Variants in MRPL48 observed in about 807,000 individuals in gnomAD.
The protein encoded by MRPL48 is mitochondrial ribosomal protein L48, also known as large ribosomal subunit protein mL48.
MRPL48 carries 16 observed loss-of-function variants against 32.9 expected under a neutral mutation model. That is an observed-to-expected ratio of 0.49 (90% confidence interval 0.33 to 0.74). The LOEUF is 0.74. Ranked by LOEUF, MRPL48 falls within the 30% of genes least tolerant of loss-of-function variation. The pLI, the probability that MRPL48 is intolerant of heterozygous loss-of-function variation, is 0.02. For missense variants in MRPL48, 206 were observed against 245.3 expected (o/e 0.84, Z 1.07); for synonymous variants, 94 against 89.2 (o/e 1.05, Z -0.31).
At chr11:73,850,262 A>G (rs2515089) in intron 5 of MRPL48, among the ~76,000 whole-genome samples, 14 of 151,958 alleles carry the variant, frequency 9.2e-5, no homozygotes, top group Admixed American at 6.6e-4. Flanking sequence ...TTACAGAATC[A>G]ATATAAAATA....
At chr11:73,860,051 G>T (rs761577405) in intron 6 of MRPL48, 42 bp downstream of exon 6, 3 of 1,514,356 alleles carry the variant, frequency 2.0e-6, no homozygotes, top group South Asian at 2.4e-5. Flanking sequence ...TGCTTCTCCT[G>T]GTTCTTTTCT....
chr11:73,787,982 C>A lies in MRPL48; in HGVS notation c.11C>A (p.Thr4Asn), dbSNP rs776438055. The A allele has an allele frequency of 2.5e-6, 4 of 1,600,064 alleles. No homozygotes were observed. The highest frequency in any genetic ancestry group is 2.6e-6 in the Non-Finnish European group (3 of 1,173,952). The stretch of plus-strand genomic sequence containing the variant: ...GCGCAGCAGCAAAGGATGAGCGGAA[C>A]CTTGGAAAAGGTAACGTAGATTCCA... MSG[T>N]LEKVLCLRNN... Residue 4 changes from threonine (T) to asparagine (N), a missense_variant, in exon 1 of 8, where the codon ACC becomes AAC. Thr to Asn is a moderately conservative substitution (Grantham distance 65, BLOSUM62 0). Transcript: ENST00000310614.
At chr11:73,821,279 A>G (rs1947777033) in intron 3 of MRPL48, among the ~76,000 whole-genome samples, 1 of 152,062 alleles carries the variant, frequency 6.6e-6, no homozygotes, top group African/African-American at 2.4e-5. Flanking sequence ...ACAGGCATGA[A>G]CTACCACACC....
chr11:73,799,072 A>ACTTAGGCAGGGACTGG (rs1287671534), intron 1 of MRPL48, among the ~76,000 whole-genome samples: 13 of 152,052 alleles, frequency 8.5e-5, no homozygotes, highest in African/African-American at 2.4e-4. Flanking sequence ...GAGAATTTGA[A>ACTTAGGCAGGGACTGG]GCTTCTGATA....
At chr11:73,820,521 C>A (rs902101366) in intron 3 of MRPL48, among the ~76,000 whole-genome samples, 2 of 152,190 alleles carry the variant, frequency 1.3e-5, no homozygotes, top group African/African-American at 4.8e-5. Context: ...ACTTGCCCAG[C>A]CCACTCTCAT....
chr11:73,823,043 T>G (rs1240470040), intron 3 of MRPL48: 1 of 450,584 alleles, frequency 2.2e-6, no homozygotes, highest in Non-Finnish European at 4.4e-6. Context: ...GAAAACAAGC[T>G]CAGGGCTTCC....
chr11:73,808,482 T>A, intron 3 of MRPL48, 132 bp downstream of exon 3: 1 of 840,988 alleles, frequency 1.2e-6, no homozygotes, highest in Non-Finnish European at 1.9e-6. Flanking sequence ...CCCCTCCATG[T>A]GAGCATGGAA....
intron 5 of MRPL48, among the ~76,000 whole-genome samples, chr11:73,846,639 G>T (rs1324416240): frequency 1.3e-5 from 2 of 151,476 alleles, no homozygotes; most frequent in Non-Finnish European, 2.9e-5. Context: ...GATTACAGGA[G>T]TGAACCACTG....
At chr11:73,794,328 G>C (rs1024749142) in intron 1 of MRPL48, among the ~76,000 whole-genome samples, 12 of 152,052 alleles carry the variant, frequency 7.9e-5, no homozygotes, top group African/African-American at 2.9e-4. Context: ...GGCTGAGGCA[G>C]CGGGATCTCC....
At chr11:73,827,333 G>A (rs1024115249) in intron 4 of MRPL48, among the ~76,000 whole-genome samples, 5 of 152,108 alleles carry the variant, frequency 3.3e-5, no homozygotes, top group Non-Finnish European at 4.4e-5. Flanking sequence ...GCAGTGAGCC[G>A]AGATCACGCC....
intron 2 of MRPL48, 43 bp from the exon 3 acceptor site, chr11:73,808,270 T>C (rs374787913): frequency 5.2e-6 from 8 of 1,549,110 alleles, no homozygotes; most frequent in Non-Finnish European, 7.0e-6. Context: ...AAATAAAATA[T>C]GGGTTTCTAA....
intron 1 of MRPL48, among the ~76,000 whole-genome samples, chr11:73,793,217 T>C (rs1212270850): frequency 6.6e-6 from 1 of 152,148 alleles, no homozygotes; most frequent in Non-Finnish European, 1.5e-5. Context: ...AGGCATGCAC[T>C]ACCATGCCCA....
At chr11:73,792,967 C>G (rs1947178811) in intron 1 of MRPL48, among the ~76,000 whole-genome samples, 1 of 152,200 alleles carries the variant, frequency 6.6e-6, no homozygotes, top group Admixed American at 6.5e-5. Context: ...GAGGGATTTA[C>G]TAATTTGATC....
At chr11:73,800,243 T>TA (rs879758114) in intron 1 of MRPL48, among the ~76,000 whole-genome samples, 62 of 145,670 alleles carry the variant, frequency 4.3e-4, no homozygotes, top group Admixed American at 2.2e-3. Context: ...TCCGGTCTCT[T>TA]AAAAAAAAAA....
intron 6 of MRPL48, among the ~76,000 whole-genome samples, chr11:73,862,819 T>G (rs189396933): frequency 2.2e-4 from 33 of 152,204 alleles, no homozygotes; most frequent in African/African-American, 7.7e-4. Flanking sequence ...ACTCGGAGGC[T>G]GAGGTGGGAG....
intron 5 of MRPL48, among the ~76,000 whole-genome samples, chr11:73,849,342 G>A (rs1214311345): frequency 6.6e-6 from 1 of 152,046 alleles, no homozygotes; most frequent in Non-Finnish European, 1.5e-5. Flanking sequence ...TTGCCATGTT[G>A]GTCAGGCTGG....
intron 3 of MRPL48, 70 bp downstream of exon 3, chr11:73,808,420 C>T: frequency 6.8e-7 from 1 of 1,474,208 alleles, no homozygotes; most frequent in Non-Finnish European, 9.3e-7. Flanking sequence ...ATAATTTTGC[C>T]TAGAAGGAAG....
intron 4 of MRPL48, among the ~76,000 whole-genome samples, chr11:73,840,748 C>T (rs956908522): frequency 1.3e-5 from 2 of 152,114 alleles, no homozygotes; most frequent in Non-Finnish European, 1.5e-5. Flanking sequence ...GATGCACCCA[C>T]CTCGGCCTCC....
chr11:73,804,750 GA>G (rs1250100264), intron 1 of MRPL48, among the ~76,000 whole-genome samples: 10 of 152,080 alleles, frequency 6.6e-5, no homozygotes, highest in African/African-American at 2.2e-4. Context: ...ATTGATATTA[GA>G]AAAAAATAGA....
Sources: gnomAD v4.1 joint callset for allele counts (sites outside exome capture counted in the v4.1 genomes callset) on GRCh38, gnomAD v4.1.1 for gene constraint, MANE v1.5 for transcripts, NCBI Gene and HGNC (gene_info 2026-07-23, HGNC 2026-07-21) for gene names.